Variants in FHIT observed in about 807,000 individuals in gnomAD.
FHIT encodes fragile histidine triad diadenosine triphosphatase.
A neutral mutation model predicts 17.9 loss-of-function variants in FHIT; 19 were observed. That is an observed-to-expected ratio of 1.06 (90% CI 0.74 to 1.56). The LOEUF (loss-of-function observed/expected upper bound fraction) is 1.56, where lower values mean the gene tolerates loss of function less well. Ranked by LOEUF, FHIT falls within the 40% of genes most tolerant of loss-of-function variation. FHIT has a pLI of 0.00. For synonymous variants in FHIT, 81 were observed against 69.7 expected, an observed-to-expected ratio of 1.16 and a Z score of -0.81; for missense variants, 248 against 189.2, an observed-to-expected ratio of 1.31 and a Z score of -1.82.
intron 8 of FHIT, among the ~76,000 whole-genome samples, chr3:59,799,185 A>G (rs969976507): frequency 6.6e-6 from 1 of 152,234 alleles, no homozygotes; most frequent in Admixed American, 6.5e-5. Flanking sequence ...GAAGGCGTAC[A>G]TAGACTTACA....
chr3:60,359,303 A>G (rs1201908784), intron 5 of FHIT, among the ~76,000 whole-genome samples: 6 of 109,422 alleles, frequency 5.5e-5, no homozygotes, highest in South Asian at 3.1e-4. Context: ...TTTTTTTGAG[A>G]TGGAGCCTCG....
intron 4 of FHIT, among the ~76,000 whole-genome samples, chr3:60,705,697 T>C (rs1376387141): frequency 6.6e-6 from 1 of 152,158 alleles, no homozygotes; most frequent in Admixed American, 6.5e-5. Context: ...AAATGGTGTA[T>C]ACACATATAC....
chr3:60,089,338 G>A (rs371710104), intron 5 of FHIT, among the ~76,000 whole-genome samples: 10 of 152,048 alleles, frequency 6.6e-5, no homozygotes, highest in African/African-American at 2.4e-4. Context: ...TTTGTTGTTG[G>A]TGGTATCCTC....
intron 5 of FHIT, among the ~76,000 whole-genome samples, chr3:60,422,518 CT>C (rs1450956941): frequency 1.3e-5 from 2 of 152,146 alleles, no homozygotes; most frequent in South Asian, 4.1e-4. Context: ...TTACAACATT[CT>C]TTTTTGTTGT....
chr3:60,753,981 G>T (rs1331781583), intron 4 of FHIT, among the ~76,000 whole-genome samples: 1 of 151,996 alleles, frequency 6.6e-6, no homozygotes. Context: ...AACTCAACAA[G>T]CCTTTCCCAG....
rs143499302 is a variant in FHIT, at chr3:60,644,355, C to A, written c.-17-107376G>T. Among the ~76,000 whole-genome samples, 3 of 152,138 alleles carry A rather than the reference C, an allele frequency of 2.0e-5. No individual in the cohort carries two copies. In the South Asian group the frequency reaches 6.2e-4, roughly 32 times the overall value. ...ATACAAGCATGTTGAAAAACTGATA[C>A]CGTGAAATATTGAAAATTTGAAATT... On this transcript the variant is annotated intron_variant, in intron 4 of 9. Transcript: ENST00000492590.
chr3:60,451,462 CTG>C (rs1468266903), intron 5 of FHIT, among the ~76,000 whole-genome samples: 1 of 152,076 alleles, frequency 6.6e-6, no homozygotes, highest in Non-Finnish European at 1.5e-5. Context: ...ACATATTTAA[CTG>C]TTACAAGAAT....
chr3:60,688,847 G>A (rs2040920744), intron 4 of FHIT, among the ~76,000 whole-genome samples: 1 of 152,092 alleles, frequency 6.6e-6, no homozygotes, highest in Non-Finnish European at 1.5e-5. Context: ...TGTAGTTTAT[G>A]CTTTACTCTT....
chr3:60,234,605 C>G (rs1337102595), intron 5 of FHIT, among the ~76,000 whole-genome samples: 1 of 152,186 alleles, frequency 6.6e-6, no homozygotes, highest in Non-Finnish European at 1.5e-5. Flanking sequence ...TAAGTCTTAG[C>G]TGGTGTTAAA....
chr3:60,304,970 T>C (rs1298522511), intron 5 of FHIT, among the ~76,000 whole-genome samples: 1 of 152,162 alleles, frequency 6.6e-6, no homozygotes, highest in Non-Finnish European at 1.5e-5. Context: ...ACCCAGTCTG[T>C]GGCAATTGAG....
chr3:60,562,408 G>C (rs1050639270), intron 4 of FHIT, among the ~76,000 whole-genome samples: 1 of 152,152 alleles, frequency 6.6e-6, no homozygotes, highest in Non-Finnish European at 1.5e-5. Context: ...TGTTGTTTGA[G>C]ATAAATTGGC....
intron 8 of FHIT, among the ~76,000 whole-genome samples, chr3:59,868,116 A>G (rs1702744496): frequency 6.6e-6 from 1 of 151,594 alleles, no homozygotes; most frequent in Non-Finnish European, 1.5e-5. Flanking sequence ...CCCTAGCGGA[A>G]GAGCTAAATT....
At chr3:59,862,712 T>A (rs114236699) in intron 8 of FHIT, among the ~76,000 whole-genome samples, 2,351 of 152,196 alleles carry the variant, frequency 0.015, 74 homozygotes, top group African/African-American at 0.054. Flanking sequence ...TCACCACTAG[T>A]GGAGTGAGGA....
intron 8 of FHIT, among the ~76,000 whole-genome samples, chr3:59,799,189 A>G (rs569375332): frequency 5.3e-5 from 8 of 152,294 alleles, no homozygotes; most frequent in African/African-American, 1.9e-4. Context: ...GCGTACATAG[A>G]CTTACATATG....
intron 5 of FHIT, among the ~76,000 whole-genome samples, chr3:60,080,464 G>C (rs547198392): frequency 1.3e-5 from 2 of 152,174 alleles, no homozygotes; most frequent in African/African-American, 4.8e-5. Context: ...GCCCTACTTA[G>C]CTGCAAGTAA....
chr3:61,160,139 G>C (rs993326864), intron 2 of FHIT, among the ~76,000 whole-genome samples: 2 of 152,036 alleles, frequency 1.3e-5, no homozygotes, highest in Non-Finnish European at 1.5e-5. Context: ...AATTTAGCTG[G>C]AGAATTTGAG....
chr3:60,347,846 C>A (rs369478997), intron 5 of FHIT, among the ~76,000 whole-genome samples: 1 of 152,200 alleles, frequency 6.6e-6, no homozygotes, highest in African/African-American at 2.4e-5. Flanking sequence ...GCAACCTCCC[C>A]CTCCTGGGTT....
At chr3:60,380,635 A>G (rs919242875) in intron 5 of FHIT, among the ~76,000 whole-genome samples, 1 of 152,154 alleles carries the variant, frequency 6.6e-6, no homozygotes, top group Non-Finnish European at 1.5e-5. Context: ...GAATATCTAC[A>G]TGTCTCCGTA....
At chr3:60,129,449 G>A (rs1699428403) in intron 5 of FHIT, among the ~76,000 whole-genome samples, 1 of 152,162 alleles carries the variant, frequency 6.6e-6, no homozygotes, top group African/African-American at 2.4e-5. Flanking sequence ...GTAAATATAT[G>A]TATGAATCTT....
Sources: gnomAD v4.1 joint callset for allele counts (sites outside exome capture counted in the v4.1 genomes callset) on GRCh38, gnomAD v4.1.1 for gene constraint, MANE v1.5 for transcripts, NCBI Gene and HGNC (gene_info 2026-07-23, HGNC 2026-07-21) for gene names.